DTNA: variants seen among roughly 807,000 people sequenced by gnomAD.
DTNA encodes the protein dystrophin-related protein 3.
A neutral mutation model predicts 100.7 loss-of-function variants in DTNA; 43 were observed. That is an observed-to-expected ratio of 0.43 (90% CI 0.33 to 0.55). The LOEUF (loss-of-function observed/expected upper bound fraction) is 0.55. Ranked by LOEUF, DTNA falls within the 20% of genes least tolerant of loss-of-function variation. The probability of loss-of-function intolerance (pLI) is 0.04; values close to 1 mark genes in which losing one functional copy is unlikely to be tolerated. For synonymous variants in DTNA, 349 were observed against 347.9 expected (o/e 1.00, Z -0.04); for missense variants, 798 against 953.9 (o/e 0.84, Z 2.15).
chr18:34,550,815 C>A (rs1405284271), intron 1 of DTNA, among the ~76,000 whole-genome samples: 1 of 152,104 alleles, frequency 6.6e-6, no homozygotes, highest in Non-Finnish European at 1.5e-5. Flanking sequence ...TCAAAAATGT[C>A]TTTAAAAGAT....
At chr18:34,600,802 C>T (rs2051644016) in intron 1 of DTNA, among the ~76,000 whole-genome samples, 2 of 152,190 alleles carry the variant, frequency 1.3e-5, no homozygotes, top group South Asian at 2.1e-4. Flanking sequence ...AGGTAACAAA[C>T]AACTCTCAAT....
At chr18:34,552,244 C>G (rs1252940718) in intron 1 of DTNA, among the ~76,000 whole-genome samples, 1 of 151,976 alleles carries the variant, frequency 6.6e-6, no homozygotes, top group Admixed American at 6.6e-5. Context: ...ATTTAATGAA[C>G]ACCTCGATGG....
Position 34,818,238 on chromosome 18 carries a change from C to G in DTNA, c.784C>G (p.His262Asp), listed in dbSNP as rs369043538. 13 of 1,614,036 alleles carry G rather than the reference C, an allele frequency of 8.1e-6. No homozygotes were observed. The highest frequency in any genetic ancestry group is 1.0e-5 in the Non-Finnish European group (12 of 1,179,960). Reference sequence around the variant, plus strand: ...ATTTCGCTACCGATGCCAACAGTGTCACAATTACCAGCTCTGTCAGGACTG... The same window carrying G: ...ATTTCGCTACCGATGCCAACAGTGTGACAATTACCAGCTCTGTCAGGACTG... ...MGFRYRCQQC[H>D]NYQLCQDCFW... Residue 262 changes from histidine (H) to aspartate (D), a missense_variant, in exon 8 of 23, where the codon CAC becomes GAC. This residue lies in a region of DTNA where 81 missense variants were observed against 153.5 expected (regional missense o/e 0.53). Transcript: ENST00000444659.
chr18:34,601,924 T>C (rs890543332), intron 1 of DTNA, among the ~76,000 whole-genome samples: 5 of 152,174 alleles, frequency 3.3e-5, no homozygotes, highest in Admixed American at 1.3e-4. Context: ...TCTTAATGCT[T>C]TCTCCTCTCT....
chr18:34,607,750 ACT>A (rs1161628040), intron 1 of DTNA, among the ~76,000 whole-genome samples: 1 of 152,154 alleles, frequency 6.6e-6, no homozygotes, highest in Non-Finnish European at 1.5e-5. Flanking sequence ...TTCCACAAAC[ACT>A]CAAAGTTCTG....
At chr18:34,793,788 A>C (rs2094851877) in intron 3 of DTNA, among the ~76,000 whole-genome samples, 1 of 152,198 alleles carries the variant, frequency 6.6e-6, no homozygotes, top group African/African-American at 2.4e-5. Flanking sequence ...GCTGTATTTC[A>C]AGAGTGATTG....
At chr18:34,886,288 G>A (rs984850151) in intron 22 of DTNA, among the ~76,000 whole-genome samples, 6 of 152,274 alleles carry the variant, frequency 3.9e-5, no homozygotes, top group East Asian at 1.9e-4. Flanking sequence ...TGAGCGAAGA[G>A]GAAGGAGCTC....
At chr18:34,618,831 G>A (rs2055866607) in intron 1 of DTNA, among the ~76,000 whole-genome samples, 1 of 152,036 alleles carries the variant, frequency 6.6e-6, no homozygotes, top group Non-Finnish European at 1.5e-5. Context: ...TTGATCATCA[G>A]CCATGTACCA....
At chr18:34,704,886 C>T (rs1319988270) in intron 1 of DTNA, among the ~76,000 whole-genome samples, 1 of 152,166 alleles carries the variant, frequency 6.6e-6, no homozygotes. Flanking sequence ...AAATGTCCTT[C>T]CCTTTTCCCT....
intron 1 of DTNA, among the ~76,000 whole-genome samples, chr18:34,584,695 C>T (rs987225268): frequency 6.6e-6 from 1 of 152,066 alleles, no homozygotes; most frequent in Admixed American, 6.5e-5. Context: ...GAGTAAAAGT[C>T]CCTGAATTTC....
intron 1 of DTNA, among the ~76,000 whole-genome samples, chr18:34,703,561 G>T (rs1270065792): frequency 6.6e-6 from 1 of 152,082 alleles, no homozygotes; most frequent in African/African-American, 2.4e-5. Flanking sequence ...CAAACAGAAT[G>T]CAGTGGCCTG....
intron 1 of DTNA, among the ~76,000 whole-genome samples, chr18:34,530,521 C>T (rs1449780390): frequency 2.0e-5 from 3 of 152,016 alleles, no homozygotes; most frequent in Non-Finnish European, 2.9e-5. Flanking sequence ...TATCTCCATC[C>T]CCACCCAAAC....
At chr18:34,826,364 T>C (rs145932413) in intron 9 of DTNA, among the ~76,000 whole-genome samples, 2,063 of 152,246 alleles carry the variant, frequency 0.014, 30 homozygotes, top group Non-Finnish European at 0.017. Context: ...TTTGTGATCT[T>C]TTATCCCTAA....
At chr18:34,627,407 A>C (rs1255108264) in intron 1 of DTNA, among the ~76,000 whole-genome samples, 1 of 152,128 alleles carries the variant, frequency 6.6e-6, no homozygotes, top group Non-Finnish European at 1.5e-5. Context: ...GCCAAGAAGG[A>C]CAAATTCTTC....
chr18:34,875,287 A>T lies in DTNA; in HGVS notation c.1792A>T (p.Arg598Trp). The T allele has an allele frequency of 6.2e-7, 1 of 1,614,208 alleles. No individual in the cohort carries two copies. Among genetic ancestry groups the T allele is most frequent in the Non-Finnish European group, 8.5e-7 (1 of 1,180,040 alleles). ...PRSSPSHTIS[R>W]PIPMPIRSAS... ...CTCCTCCCCCAGCCACACCATCAGC[A>T]GGCCAATTCCCATGCCCATCCGGTC... Residue 598 changes from arginine (R) to tryptophan (W), a missense_variant, in exon 18 of 23, where the codon AGG (arginine) becomes TGG (tryptophan). Coordinates refer to ENST00000444659, the MANE Select transcript of DTNA (RefSeq NM_001386795.1).
At chr18:34,495,352 A>G (rs985392451) in intron 1 of DTNA, among the ~76,000 whole-genome samples, 2 of 152,246 alleles carry the variant, frequency 1.3e-5, no homozygotes, top group Non-Finnish European at 2.9e-5. Context: ...TGCATGTCCT[A>G]CAATGATTAA....
In DTNA at chr18:34,546,385, A is replaced by G. The variant is rs927554542; in HGVS notation, c.-2+52871A>G. Among the ~76,000 whole-genome samples, 120 of 152,254 alleles carry G rather than the reference A, an allele frequency of 7.9e-4. 1 individual carries two copies. The highest frequency in any genetic ancestry group is 2.8e-3 in the African/African-American group (118 of 41,582). On this transcript the variant is annotated intron_variant, in intron 1 of 19. Coordinates refer to the DTNA transcript ENST00000283365. The stretch of plus-strand genomic sequence containing the variant: ...TCTGCCCTATCAAGTGAGCCCAATC[A>G]GTATAGTACTGAAACTCTGAATTAA...
At chr18:34,651,681 T>C (rs1242483832) in intron 1 of DTNA, among the ~76,000 whole-genome samples, 1 of 152,112 alleles carries the variant, frequency 6.6e-6, no homozygotes, top group Admixed American at 6.6e-5. Context: ...TACGATGCAA[T>C]GAGAAGTGCA....
chr18:34,779,072 A>T (rs1022432423), intron 3 of DTNA, among the ~76,000 whole-genome samples: 2 of 152,182 alleles, frequency 1.3e-5, no homozygotes, highest in South Asian at 2.1e-4. Flanking sequence ...ATATGTATGG[A>T]TCACCCTCCA....
Sources: gnomAD v4.1 joint callset for allele counts (sites outside exome capture counted in the v4.1 genomes callset) on GRCh38, gnomAD v4.1.1 for gene constraint, gnomAD v4.1.1 regional missense constraint, MANE v1.5 for transcripts, NCBI Gene and HGNC (gene_info 2026-07-23, HGNC 2026-07-21) for gene names.